BICC1: variants seen among roughly 807,000 people sequenced by gnomAD.
BICC1 encodes the protein protein bicaudal C homolog 1.
A neutral mutation model predicts 111.0 loss-of-function variants in BICC1; 43 were observed. The observed-to-expected ratio is 0.39, with a 90% CI of 0.30 to 0.50. The LOEUF (loss-of-function observed/expected upper bound fraction) is 0.50, where lower values mean the gene tolerates loss of function less well. Among genes scored for constraint, BICC1 ranks in the 20% least tolerant of loss-of-function variants. The pLI is 0.88. For synonymous variants in BICC1, 467 were observed against 434.4 expected (o/e 1.07, Z -0.93); for missense variants, 1,091 against 1,203.2 (o/e 0.91, Z 1.38).
intron 1 of BICC1, among the ~76,000 whole-genome samples, chr10:58,599,726 G>T (rs1360501123): frequency 6.6e-6 from 1 of 151,918 alleles, no homozygotes; most frequent in Non-Finnish European, 1.5e-5. Flanking sequence ...AAGGGGTTGG[G>T]GACAGTACCA....
chr10:58,547,690 ATATT>A (rs36147830), intron 1 of BICC1, among the ~76,000 whole-genome samples: 69,408 of 151,330 alleles, frequency 0.46, 16,908 homozygotes, highest in Admixed American at 0.62. Flanking sequence ...GTCAGTATGG[ATATT>A]TATTTATTTT....
intron 1 of BICC1, among the ~76,000 whole-genome samples, chr10:58,602,726 C>T (rs1329802725): frequency 2.0e-5 from 3 of 152,116 alleles, no homozygotes; most frequent in Non-Finnish European, 2.9e-5. Flanking sequence ...CCCTAACTCC[C>T]CTAAATGTTT....
At chr10:58,795,834 A>G (rs568596229) in intron 9 of BICC1, among the ~76,000 whole-genome samples, 3 of 152,324 alleles carry the variant, frequency 2.0e-5, no homozygotes, top group African/African-American at 7.2e-5. Flanking sequence ...TAACTAGTAA[A>G]CCATAAATGT....
intron 3 of BICC1, among the ~76,000 whole-genome samples, chr10:58,768,139 G>C (rs540152977): frequency 6.6e-6 from 1 of 152,158 alleles, no homozygotes; most frequent in South Asian, 2.1e-4. Context: ...ACTTCACCAA[G>C]ACACATAATC....
intron 2 of BICC1, among the ~76,000 whole-genome samples, chr10:58,636,305 A>G (rs920259): frequency 0.62 from 93,796 of 152,130 alleles, 30,960 homozygotes; most frequent in Non-Finnish European, 0.73. Flanking sequence ...CTGACAATTC[A>G]TAACTTTAAA....
intron 3 of BICC1, among the ~76,000 whole-genome samples, chr10:58,728,219 A>G (rs1189546112): frequency 6.6e-6 from 1 of 152,184 alleles, no homozygotes; most frequent in African/African-American, 2.4e-5. Context: ...TCAGAGTAGA[A>G]CTTCTTTTAC....
chr10:58,522,910 A>G, intron 1 of BICC1, among the ~76,000 whole-genome samples: 1 of 152,178 alleles, frequency 6.6e-6, no homozygotes. Flanking sequence ...CTACCATCAG[A>G]GAATACTATA....
At chr10:58,723,042 T>G (rs935896917) in intron 3 of BICC1, among the ~76,000 whole-genome samples, 2 of 152,254 alleles carry the variant, frequency 1.3e-5, no homozygotes, top group African/African-American at 4.8e-5. Context: ...GATTTCAATT[T>G]CTGGTTTCTA....
intron 2 of BICC1, chr10:58,650,521 G>A (rs1176659292): frequency 1.3e-5 from 2 of 152,160 alleles, no homozygotes; most frequent in African/African-American, 4.8e-5. Context: ...TGGACTATGT[G>A]AGGGGCTTGC....
chr10:58,568,683 A>G (rs1044033563), intron 1 of BICC1, among the ~76,000 whole-genome samples: 5 of 151,688 alleles, frequency 3.3e-5, no homozygotes, highest in Non-Finnish European at 7.4e-5. Context: ...TTAGGTAAGG[A>G]TTGGTCTTTG....
At chr10:58,583,584 CTGTGTGTGTGTGTG>C (rs3076149) in intron 1 of BICC1, among the ~76,000 whole-genome samples, 46 of 139,436 alleles carry the variant, frequency 3.3e-4, no homozygotes, top group Admixed American at 7.9e-4. Context: ...TTCTCTCTCT[CTGTGTGTGTGTGTG>C]TGTGTGTGTG....
intron 3 of BICC1, among the ~76,000 whole-genome samples, chr10:58,755,894 C>A (rs1842130106): frequency 6.6e-6 from 1 of 152,150 alleles, no homozygotes; most frequent in Non-Finnish European, 1.5e-5. Context: ...AGTGATTAGT[C>A]ACCTCACAGT....
intron 1 of BICC1, among the ~76,000 whole-genome samples, chr10:58,563,249 C>T (rs1352606103): frequency 6.6e-6 from 1 of 152,084 alleles, no homozygotes; most frequent in Non-Finnish European, 1.5e-5. Context: ...GCCGCAGCAG[C>T]CTGGGTCCTG....
chr10:58,733,235 C>T (rs1423998336), intron 3 of BICC1, among the ~76,000 whole-genome samples: 1 of 152,150 alleles, frequency 6.6e-6, no homozygotes, highest in African/African-American at 2.4e-5. Flanking sequence ...ATCACTAGCC[C>T]TTGAGGCAAT....
rs987267838 is a variant in BICC1 at position 58,829,937 on chromosome 10, A to G, written c.*1046A>G. On this transcript the variant is annotated 3_prime_UTR_variant, in exon 21 of 21. Coordinates refer to ENST00000373886, the MANE Select transcript of BICC1 (RefSeq NM_001080512.3). ...CGAGATTGTCACTTTATTTAAAAAG[A>G]CAAATAATCATCTGACAAGACAGCA... 2.6e-5 allele frequency: 4 copies of G among 152,192 alleles called. No individual in the cohort carries two copies. In the South Asian group the frequency reaches 6.2e-4, roughly 24 times the overall value. 9.4% of individuals were successfully genotyped at this position (152,192 alleles called of 1,614,324 possible).
chr10:58,789,579 A>G (rs748503091), intron 7 of BICC1, 103 bp from the exon 8 acceptor site: 4 of 1,527,296 alleles, frequency 2.6e-6, no homozygotes, highest in Non-Finnish European at 2.7e-6. Flanking sequence ...GGTTTGCAGA[A>G]TATGCTGTAT....
At chr10:58,583,348 C>T (rs1231645788) in intron 1 of BICC1, among the ~76,000 whole-genome samples, 1 of 152,072 alleles carries the variant, frequency 6.6e-6, no homozygotes, top group Non-Finnish European at 1.5e-5. Flanking sequence ...AGTGTGCAGT[C>T]TTTTATCCCT....
At chr10:58,782,411 A>G (rs773335981) in intron 3 of BICC1, among the ~76,000 whole-genome samples, 4 of 152,220 alleles carry the variant, frequency 2.6e-5, no homozygotes, top group Admixed American at 1.3e-4. Flanking sequence ...AATGACTACA[A>G]TTGAAATATC....
In BICC1 at chr10:58,727,022, G is replaced by A. The variant is rs539131521; in HGVS notation, c.307+24879G>A. 8.5e-5 allele frequency among the ~76,000 whole-genome samples: 13 copies of A among 152,196 alleles called. No homozygotes were observed. In the East Asian group the frequency reaches 1.7e-3, roughly 20 times the overall value. ...CATGAAGTTGCTTTAGAAATGTAAGGAGTTGATTAAAAAGTAAGTATAGAT... is the reference window on the plus strand; with the variant it reads ...CATGAAGTTGCTTTAGAAATGTAAGAAGTTGATTAAAAAGTAAGTATAGAT... On this transcript the variant is annotated intron_variant, in intron 3 of 20. Coordinates refer to ENST00000373886, the MANE Select transcript of BICC1 (RefSeq NM_001080512.3).
Sources: allele counts gnomAD v4.1 joint callset (sites outside exome capture counted in the v4.1 genomes callset), GRCh38; gene constraint gnomAD v4.1.1; transcripts MANE v1.5; gene names NCBI Gene and HGNC (gene_info 2026-07-23, HGNC 2026-07-21).